CEP164: variants seen among roughly 807,000 people sequenced by gnomAD.
The protein encoded by CEP164 is centrosomal protein of 164 kDa.
Under a neutral mutation model 182.7 loss-of-function variants are expected in CEP164, and 162 were observed. The ratio of observed to expected loss-of-function variants is 0.89; its 90% CI spans 0.78 to 1.01. CEP164 has a LOEUF of 1.01. CEP164 is among the 50% of genes least tolerant of loss of function. The pLI is 0.00. For missense variants in CEP164, 1,735 were observed against 1,790.4 expected, an observed-to-expected ratio of 0.97 and a Z score of 0.56; for synonymous variants, 661 against 690.0, an observed-to-expected ratio of 0.96 and a Z score of 0.66.
intron 1 of CEP164, among the ~76,000 whole-genome samples, chr11:117,330,390 C>G (rs1354158091): frequency 2.6e-5 from 4 of 152,150 alleles, no homozygotes; most frequent in African/African-American, 7.2e-5. Flanking sequence ...CGGTGACTCA[C>G]GCCTGTAATC....
intron 4 of CEP164, among the ~76,000 whole-genome samples, chr11:117,345,418 T>A (rs550603731): frequency 6.6e-6 from 1 of 152,318 alleles, no homozygotes; most frequent in Non-Finnish European, 1.5e-5. Context: ...TCTCTCCAGC[T>A]TGTCTCCCTA....
intron 11 of CEP164, among the ~76,000 whole-genome samples, chr11:117,379,852 C>CTTTTTTT (rs58534321): frequency 8.6e-6 from 1 of 116,914 alleles, no homozygotes; most frequent in Non-Finnish European, 1.7e-5. Flanking sequence ...ATAGTTCTTC[C>CTTTTTTT]TTTTTTTTTT....
intron 27 of CEP164, among the ~76,000 whole-genome samples, chr11:117,402,602 A>G (rs1379943038): frequency 1.3e-5 from 2 of 152,164 alleles, no homozygotes; most frequent in South Asian, 2.1e-4. Flanking sequence ...GTTCTTTTGC[A>G]TTTACTGAAG....
At chr11:117,373,943 A>G in intron 10 of CEP164, 112 bp downstream of exon 10, 2 of 837,302 alleles carry the variant, frequency 2.4e-6, no homozygotes, top group South Asian at 3.2e-5. Context: ...AGAATTTCGA[A>G]CTCATGCTTG....
intron 27 of CEP164, among the ~76,000 whole-genome samples, chr11:117,401,693 G>A (rs987504284): frequency 2.6e-5 from 4 of 152,070 alleles, no homozygotes; most frequent in African/African-American, 4.8e-5. Flanking sequence ...CTTCTTTCTG[G>A]TTTAGTCTTG....
At chr11:117,393,323 C>T (rs533849072) in intron 20 of CEP164, among the ~76,000 whole-genome samples, 197 bp downstream of exon 20, 29 of 152,134 alleles carry the variant, frequency 1.9e-4, no homozygotes, top group South Asian at 2.1e-4. Context: ...TACCCTGCCA[C>T]GATGATGTTT....
chr11:117,382,208 A>T (rs1036063570), intron 13 of CEP164, among the ~76,000 whole-genome samples: 4 of 152,114 alleles, frequency 2.6e-5, no homozygotes, highest in Admixed American at 6.5e-5. Context: ...AGAGACTGGT[A>T]TCACCCTGGC....
chr11:117,407,934 C>A lies in CEP164; in HGVS notation c.3511C>A (p.His1171Asn), dbSNP rs539350737. 2.5e-6 allele frequency: 4 copies of A among 1,592,370 alleles called. No homozygotes were observed. Among genetic ancestry groups the A allele is most frequent in the Non-Finnish European group, 3.4e-6 (4 of 1,169,222 alleles). The change falls in exon 28 of 33, where the codon CAC becomes AAC. Residue 1171 changes from histidine to asparagine, a missense_variant. Coordinates refer to ENST00000278935, the MANE Select transcript of CEP164 (RefSeq NM_014956.5). Reference protein sequence around the residue: ...MRKNLEKETRHLDEMKSAMRK... With the variant: ...MRKNLEKETRNLDEMKSAMRK... ...TTCTCCTTGGCTGCAGGAGACCAGG[C>A]ACCTGGATGAGATGAAGTCGGCCAT...
chr11:117,340,261 A>T (rs1247299778), intron 3 of CEP164, among the ~76,000 whole-genome samples: 1 of 152,140 alleles, frequency 6.6e-6, no homozygotes, highest in Non-Finnish European at 1.5e-5. Context: ...CTGACAAGTG[A>T]TCTCCCCGTC....
chr11:117,332,709 G>A (rs562213371), intron 1 of CEP164, among the ~76,000 whole-genome samples: 4 of 152,348 alleles, frequency 2.6e-5, no homozygotes, highest in African/African-American at 7.2e-5. Flanking sequence ...AGGCTTCCTG[G>A]AGGAAACGTG....
intron 4 of CEP164, among the ~76,000 whole-genome samples, 189 bp from the exon 5 acceptor site, chr11:117,351,600 CT>C (rs1159138636): frequency 6.6e-6 from 1 of 152,110 alleles, no homozygotes; most frequent in Admixed American, 6.6e-5. Context: ...AAATGGTACC[CT>C]TTGATTTTGT....
intron 10 of CEP164, among the ~76,000 whole-genome samples, chr11:117,375,045 C>G (rs1436684294): frequency 6.6e-6 from 1 of 152,204 alleles, no homozygotes; most frequent in Non-Finnish European, 1.5e-5. Flanking sequence ...GTGCAGGAAT[C>G]ATCACTAATT....
chr11:117,392,068 G>T (rs141456644), intron 17 of CEP164, among the ~76,000 whole-genome samples, 158 bp from the exon 18 acceptor site: 1 of 152,272 alleles, frequency 6.6e-6, no homozygotes, highest in East Asian at 1.9e-4. Context: ...GACTTCAGGG[G>T]CTGAGTTATT....
upstream of CEP164, chr11:117,323,802 G>A: frequency 2.8e-6 from 1 of 357,246 alleles, no homozygotes; most frequent in South Asian, 2.1e-5. Flanking sequence ...GGAATAAGGT[G>A]GTATCTCATT....
Position 117,382,334 on chromosome 11 carries a change from TGCTCGGCCCAGGGAGAGGGAA to T in CEP164, c.1578-459_1578-439del, listed in dbSNP as rs1299927413. Among the ~76,000 whole-genome samples, 3 of 152,332 alleles carry T rather than the reference TGCTCGGCCCAGGGAGAGGGAA, an allele frequency of 2.0e-5. No homozygotes were observed. The East Asian group carries it at 5.8e-4, about 29-fold the overall frequency. On this transcript the variant is annotated intron_variant, in intron 13 of 32. Coordinates refer to ENST00000278935, the MANE Select transcript of CEP164 (RefSeq NM_014956.5). ...CAACCCCAGCTGGAGCCCTGTTATG[TGCTCGGCCCAGGGAGAGGGAA>T]GCCCAGATAACTCTGGGTCCAGCTG...
chr11:117,391,152 G>T lies in CEP164; in HGVS notation c.2220G>T (p.Leu740=), dbSNP rs576346169. The T allele has an allele frequency of 7.4e-6, 12 of 1,613,670 alleles. No individual in the cohort carries two copies. The South Asian group carries it at 1.3e-4, about 18-fold the overall frequency. The change falls in exon 17 of 33, where the codon CTG becomes CTT. Residue 740 remains leucine, a synonymous_variant. Transcript: ENST00000278935. ...CGGAGAAGAGCGAGCAGGCTGCCCT[G>T]AATGCTGCAAAGGAGAAGGCTCTGC... ...EASEKSEQAA[L]NAAKEKALQQ...
At position 117,371,384 on chromosome 11, in the gene CEP164, A is replaced by G; in HGVS notation, c.1070A>G (p.Glu357Gly). 1.2e-6 allele frequency: 2 copies of G among 1,614,174 alleles called. No homozygotes were observed. The highest frequency in any genetic ancestry group is 2.2e-5 in the East Asian group (1 of 44,886). ...APEDTVDAGE[E>G]GSRREEAAKE... ...GAGGACACAGTAGATGCAGGAGAGG[A>G]GGGTTCCAGGAGGGAAGAGGCAGCC... The change falls in exon 9 of 33, where the codon GAG becomes GGG. Residue 357 changes from glutamate to glycine, a missense_variant. Glu to Gly is a moderately conservative substitution (Grantham distance 98). Transcript: ENST00000278935.
chr11:117,403,701 G>T (rs1322919186), intron 27 of CEP164, among the ~76,000 whole-genome samples: 1 of 152,100 alleles, frequency 6.6e-6, no homozygotes, highest in African/African-American at 2.4e-5. Flanking sequence ...ATGTTGGCCT[G>T]TCCTGCTAGG....
At chr11:117,380,327 G>T (rs2043182490) in intron 11 of CEP164, among the ~76,000 whole-genome samples, 1 of 152,086 alleles carries the variant, frequency 6.6e-6, no homozygotes, top group South Asian at 2.1e-4. Flanking sequence ...TTTCTTGTGT[G>T]TTCTCCTTCA....
Sources: gnomAD v4.1 joint callset for allele counts (sites outside exome capture counted in the v4.1 genomes callset) on GRCh38, gnomAD v4.1.1 for gene constraint, MANE v1.5 for transcripts, NCBI Gene and HGNC (gene_info 2026-07-23, HGNC 2026-07-21) for gene names.